XYLB: variants seen among roughly 807,000 people sequenced by gnomAD.
The protein encoded by XYLB is xylulokinase.
A neutral mutation model predicts 78.7 loss-of-function variants in XYLB; 62 were observed. The ratio of observed to expected loss-of-function variants is 0.79; its 90% CI spans 0.64 to 0.97. XYLB has a LOEUF of 0.97. Among genes scored for constraint, XYLB ranks in the 50% least tolerant of loss-of-function variants. The pLI, the probability that XYLB is intolerant of heterozygous loss-of-function variation, is 0.00. For synonymous variants in XYLB, 245 were observed against 247.4 expected (o/e 0.99, Z 0.09); for missense variants, 687 against 676.8 (o/e 1.02, Z -0.17).
intron 18 of XYLB, among the ~76,000 whole-genome samples, chr3:38,406,111 G>A (rs957890186): frequency 3.3e-5 from 5 of 152,326 alleles, no homozygotes; most frequent in East Asian, 1.9e-4. Flanking sequence ...CCTGACCCCC[G>A]AGCAGCCTAC....
Position 38,397,158 on chromosome 3 carries a change from T to C in XYLB, c.1437T>C (p.His479=). ...ACVGSAYRAF[H]GLAGGTDVPF... ...TGGGTTCTGCATACCGAGCTTTTCA[T>C]GGTAGGTTGATGGAGGGAGACAGCT... is the stretch of plus-strand genomic sequence containing the variant. Residue 479 remains histidine (H), a splice_region_variant and synonymous_variant, in exon 17 of 19, where the codon CAT becomes CAC. Transcript: ENST00000207870. 1 of 1,613,942 alleles carries C rather than the reference T, an allele frequency of 6.2e-7. No homozygotes were observed. The highest frequency in any genetic ancestry group is 1.3e-5 in the African/African-American group (1 of 75,002).
rs535301678 is a variant in XYLB, at chr3:38,364,880, G to T, written c.292-319G>T. On this transcript the variant is annotated intron_variant, in intron 4 of 18. Transcript: ENST00000207870. Reference sequence around the variant, plus strand: ...ATGAATGAATGAATGAATGGGGTGAGTGAATAAATAAATGAATTTCAGGTA... The same window carrying T: ...ATGAATGAATGAATGAATGGGGTGATTGAATAAATAAATGAATTTCAGGTA... Among the ~76,000 whole-genome samples, 233 of 152,320 alleles carry T rather than the reference G, an allele frequency of 1.5e-3. 1 individual carries two copies. The highest frequency in any genetic ancestry group is 5.3e-3 in the African/African-American group (222 of 41,570).
the XYLB span, among the ~76,000 whole-genome samples, chr3:38,427,053 G>A: frequency 3.9e-5 from 6 of 152,164 alleles, no homozygotes; most frequent in Admixed American, 2.0e-4. Flanking sequence ...CATAAAGAAT[G>A]CTTTTAGCTA....
the XYLB span, among the ~76,000 whole-genome samples, chr3:38,444,940 T>A: frequency 6.6e-6 from 1 of 152,272 alleles, no homozygotes; most frequent in South Asian, 2.1e-4. Flanking sequence ...TCGGATTTAG[T>A]GGCCCTTACC....
rs571119034 is a variant in XYLB, at chr3:38,405,626, C to T, written c.1533+4641C>T. On this transcript the variant is annotated intron_variant, in intron 18 of 18. Transcript: ENST00000207870. ...GCAAGGGGTCAGGGAGTTCCCTTTC[C>T]TAGTCAAAGAAAGGGGTGACAGATG... is the stretch of plus-strand genomic sequence containing the variant. Among the ~76,000 whole-genome samples, 8 of 152,326 alleles carry T rather than the reference C, an allele frequency of 5.3e-5. No individual in the cohort carries two copies. In the South Asian group the frequency reaches 1.5e-3, roughly 28 times the overall value.
rs553470699 is a variant in XYLB at position 38,395,813 on chromosome 3, C to T, written c.1350+250C>T. Among the ~76,000 whole-genome samples, 16 of 152,312 alleles carry T rather than the reference C, an allele frequency of 1.1e-4. No homozygotes were observed. In the South Asian group the frequency reaches 3.3e-3, roughly 32 times the overall value. On this transcript the variant is annotated intron_variant, in intron 16 of 18. Transcript: ENST00000207870. ...ATACCAGCACTGTCCTCTGGAGTCA[C>T]ATGGAAAGTGCCTGTTCTTCCACAT... is the stretch of plus-strand genomic sequence containing the variant.
intron 2 of XYLB, among the ~76,000 whole-genome samples, chr3:38,352,503 TC>T (rs1705418824): frequency 6.6e-6 from 1 of 152,206 alleles, no homozygotes; most frequent in Non-Finnish European, 1.5e-5. Context: ...TTCCTATATT[TC>T]CATGTAAAAA....
intron 18 of XYLB, among the ~76,000 whole-genome samples, chr3:38,411,159 AG>A (rs1233284452): frequency 1.3e-5 from 2 of 152,224 alleles, no homozygotes; most frequent in Non-Finnish European, 2.9e-5. Context: ...GACTAGATTA[AG>A]AAAATGTGGC....
chr3:38,379,244 A>G lies in XYLB; in HGVS notation c.1195-2A>G, dbSNP rs1707023873. ...TCTGTGCCCACCTTTTCCTGGAGAC[A>G]GGTTGCAGCATTCCCTGGGGATGTG... On this transcript the variant is annotated splice_acceptor_variant, in intron 14 of 18. Coordinates refer to ENST00000207870, the MANE Select transcript of XYLB (RefSeq NM_005108.4). LOFTEE classifies it high-confidence loss of function. The G allele has an allele frequency of 6.2e-7, 1 of 1,614,002 alleles. No homozygotes were observed. Among genetic ancestry groups the G allele is most frequent in the Non-Finnish European group, 8.5e-7 (1 of 1,180,012 alleles).
chr3:38,429,368 G>A, the XYLB span, among the ~76,000 whole-genome samples: 3 of 152,124 alleles, frequency 2.0e-5, no homozygotes, highest in Non-Finnish European at 2.9e-5. Context: ...GTTTTTAGTG[G>A]TTGCTGTAGG....
chr3:38,431,065 A>G, the XYLB span, among the ~76,000 whole-genome samples: 2 of 152,158 alleles, frequency 1.3e-5, no homozygotes, highest in African/African-American at 4.8e-5. Context: ...TATGAACTTT[A>G]AAGTAGTTTT....
chr3:38,369,482 A>G (rs1202387700), intron 8 of XYLB, among the ~76,000 whole-genome samples: 1 of 152,160 alleles, frequency 6.6e-6, no homozygotes, highest in East Asian at 1.9e-4. Context: ...AGGTGACACC[A>G]TCAGCATCCC....
At chr3:38,444,370 A>G in the XYLB span, among the ~76,000 whole-genome samples, 2 of 152,226 alleles carry the variant, frequency 1.3e-5, no homozygotes, top group East Asian at 1.9e-4. Context: ...GGCAGAGAAG[A>G]TTAGAGGAGG....
At chr3:38,399,506 G>T (rs1708036368) in intron 17 of XYLB, among the ~76,000 whole-genome samples, 1 of 152,144 alleles carries the variant, frequency 6.6e-6, no homozygotes, top group African/African-American at 2.4e-5. Flanking sequence ...GTCCAACAAG[G>T]CCTTTGTTTC....
intron 9 of XYLB, among the ~76,000 whole-genome samples, chr3:38,371,613 G>A (rs1468892565): frequency 1.3e-5 from 2 of 152,102 alleles, no homozygotes; most frequent in Non-Finnish European, 2.9e-5. Context: ...GTCTCACTAT[G>A]TTGCTTAGAT....
chr3:38,415,722 C>T (rs1373811880), downstream of XYLB, among the ~76,000 whole-genome samples: 1 of 152,102 alleles, frequency 6.6e-6, no homozygotes, highest in Non-Finnish European at 1.5e-5. Context: ...GCAGAGATTG[C>T]AGTGAGCCGA....
downstream of XYLB, among the ~76,000 whole-genome samples, chr3:38,422,936 G>A (rs1272588921): frequency 6.6e-6 from 1 of 152,136 alleles, no homozygotes; most frequent in African/African-American, 2.4e-5. Context: ...TGGTTAACAA[G>A]TAAGCCAATT....
chr3:38,434,360 G>A, the XYLB span, among the ~76,000 whole-genome samples: 2 of 152,208 alleles, frequency 1.3e-5, no homozygotes, highest in African/African-American at 4.8e-5. Flanking sequence ...AAGCCTATGA[G>A]ACTAACAGTG....
At chr3:38,372,127 C>T (rs970316577) in intron 9 of XYLB, among the ~76,000 whole-genome samples, 8 of 152,124 alleles carry the variant, frequency 5.3e-5, no homozygotes, top group Non-Finnish European at 1.0e-4. Context: ...TTTCGTCATC[C>T]CTCTTTTTGC....
Sources: gnomAD v4.1 joint callset for allele counts (sites outside exome capture counted in the v4.1 genomes callset) on GRCh38, gnomAD v4.1.1 for gene constraint, MANE v1.5 for transcripts, NCBI Gene and HGNC (gene_info 2026-07-23, HGNC 2026-07-21) for gene names.